RAD51B: variants seen among roughly 807,000 people sequenced by gnomAD.
RAD51B encodes the protein RAD51 paralog B, also known as DNA repair protein RAD51 homolog 2.
In RAD51B, 38 loss-of-function variants were observed where a neutral mutation model predicts 42.2. That is an observed-to-expected ratio of 0.90 (90% CI 0.70 to 1.18). RAD51B has a LOEUF of 1.18. RAD51B is among the 50% of genes most tolerant of loss of function. The pLI is 0.00. For synonymous variants in RAD51B, 154 were observed against 145.2 expected, an observed-to-expected ratio of 1.06 and a Z score of -0.43; for missense variants, 373 against 400.7, an observed-to-expected ratio of 0.93 and a Z score of 0.59.
chr14:68,278,524 G>A (rs996774192), intron 7 of RAD51B, among the ~76,000 whole-genome samples: 1 of 152,186 alleles, frequency 6.6e-6, no homozygotes. Flanking sequence ...TCTAGACTAT[G>A]TAGTGCTCTT....
At chr14:68,654,529 T>A (rs368772049) in intron 11 of RAD51B, among the ~76,000 whole-genome samples, 22 of 152,320 alleles carry the variant, frequency 1.4e-4, no homozygotes, top group African/African-American at 4.6e-4. Flanking sequence ...GAGCCTCAGT[T>A]TCTCCATTTG....
At chr14:68,682,835 A>T (rs1173836351) in intron 11 of RAD51B, 3 of 692,662 alleles carry the variant, frequency 4.3e-6, no homozygotes, top group Non-Finnish European at 5.3e-6. Context: ...CTGGAAATGG[A>T]ATCTCTGAAG....
At chr14:68,548,407 G>T (rs1202798605) in intron 10 of RAD51B, among the ~76,000 whole-genome samples, 1 of 152,244 alleles carries the variant, frequency 6.6e-6, no homozygotes. Flanking sequence ...GCTTGGCTTG[G>T]CTGCAGATGC....
At chr14:68,207,178 G>A (rs1210218305) in intron 7 of RAD51B, among the ~76,000 whole-genome samples, 1 of 152,004 alleles carries the variant, frequency 6.6e-6, no homozygotes, top group East Asian at 1.9e-4. Context: ...TTGGCTCTTG[G>A]CTCTTTCAGT....
At chr14:68,332,983 G>T (rs1003765924) in intron 8 of RAD51B, among the ~76,000 whole-genome samples, 2 of 152,124 alleles carry the variant, frequency 1.3e-5, no homozygotes, top group Admixed American at 1.3e-4. Context: ...ATAGTGGAGG[G>T]ACCAGGAAAA....
At chr14:67,955,062 G>C (rs1195179183) in intron 7 of RAD51B, among the ~76,000 whole-genome samples, 1 of 151,936 alleles carries the variant, frequency 6.6e-6, no homozygotes, top group East Asian at 1.9e-4. Context: ...CCAAGAATGA[G>C]GAAAAAAGAG....
At chr14:68,400,194 G>T (rs544912710) in intron 8 of RAD51B, among the ~76,000 whole-genome samples, 1 of 152,292 alleles carries the variant, frequency 6.6e-6, no homozygotes, top group Admixed American at 6.5e-5. Context: ...GTGTCCCCTT[G>T]CTGTTCAGTC....
intron 7 of RAD51B, among the ~76,000 whole-genome samples, chr14:68,196,702 C>T (rs1355326200): frequency 2.6e-5 from 4 of 152,090 alleles, no homozygotes; most frequent in Non-Finnish European, 5.9e-5. Context: ...GTGGCCCACA[C>T]TAGATTACAG....
chr14:68,552,713 T>C (rs1226769323), intron 10 of RAD51B, among the ~76,000 whole-genome samples: 1 of 152,204 alleles, frequency 6.6e-6, no homozygotes, highest in Non-Finnish European at 1.5e-5. Context: ...AAAAAGTTAG[T>C]AATAACACGT....
intron 7 of RAD51B, among the ~76,000 whole-genome samples, chr14:68,022,550 G>A (rs2140352900): frequency 6.6e-6 from 1 of 152,222 alleles, no homozygotes; most frequent in East Asian, 1.9e-4. Flanking sequence ...TCTGACTGGT[G>A]TGAGATGGTA....
chr14:67,956,324 T>C (rs2074546018), intron 7 of RAD51B, among the ~76,000 whole-genome samples: 1 of 151,956 alleles, frequency 6.6e-6, no homozygotes, highest in Non-Finnish European at 1.5e-5. Context: ...ACATCCCTAC[T>C]AAAAATACAA....
intron 10 of RAD51B, among the ~76,000 whole-genome samples, chr14:68,638,216 G>T (rs1266222122): frequency 6.6e-6 from 1 of 152,208 alleles, no homozygotes; most frequent in East Asian, 1.9e-4. Flanking sequence ...CCACGTGAAG[G>T]GTCTGTAATT....
intron 7 of RAD51B, among the ~76,000 whole-genome samples, chr14:68,272,614 G>T: frequency 1.3e-5 from 1 of 78,310 alleles, no homozygotes; most frequent in African/African-American, 5.0e-5. Flanking sequence ...CTATTACCAT[G>T]GTATTTTGTT....
chr14:68,574,757 ATT>A (rs1198966650), intron 10 of RAD51B, among the ~76,000 whole-genome samples: 1 of 152,124 alleles, frequency 6.6e-6, no homozygotes, highest in Non-Finnish European at 1.5e-5. Flanking sequence ...AAAATAGTTT[ATT>A]TTTATTTTTT....
At chr14:68,621,168 A>G (rs956241875) in intron 10 of RAD51B, among the ~76,000 whole-genome samples, 1 of 152,142 alleles carries the variant, frequency 6.6e-6, no homozygotes, top group Non-Finnish European at 1.5e-5. Context: ...TCATTCATCC[A>G]TCCACCCACC....
chr14:68,203,676 G>T (rs1418677368), intron 7 of RAD51B, among the ~76,000 whole-genome samples: 3 of 152,120 alleles, frequency 2.0e-5, no homozygotes, highest in Non-Finnish European at 4.4e-5. Flanking sequence ...CCAATATGAG[G>T]CTATTTTGTC....
chr14:67,930,604 C>T (rs2044692717), intron 7 of RAD51B, among the ~76,000 whole-genome samples: 1 of 152,136 alleles, frequency 6.6e-6, no homozygotes, highest in Non-Finnish European at 1.5e-5. Flanking sequence ...ACATTTTCCT[C>T]TTGCTGCTTT....
chr14:68,299,314 G>A (rs544611399), intron 8 of RAD51B, among the ~76,000 whole-genome samples: 2 of 152,140 alleles, frequency 1.3e-5, no homozygotes, highest in East Asian at 1.9e-4. Context: ...TTATCCATGA[G>A]TTCTGCATCC....
intron 8 of RAD51B, among the ~76,000 whole-genome samples, chr14:68,314,839 C>G (rs1726182521): frequency 6.6e-6 from 1 of 152,144 alleles, no homozygotes; most frequent in African/African-American, 2.4e-5. Context: ...ACGACTTCCC[C>G]TCCCCACCCA....
Sources: gnomAD v4.1 joint callset for allele counts (sites outside exome capture counted in the v4.1 genomes callset) on GRCh38, gnomAD v4.1.1 for gene constraint, MANE v1.5 for transcripts, NCBI Gene and HGNC (gene_info 2026-07-23, HGNC 2026-07-21) for gene names.